TBC1D5: variants seen among roughly 807,000 people sequenced by gnomAD.
TBC1D5 encodes TBC1 domain family member 5.
TBC1D5 carries 75 observed loss-of-function variants against 100.3 expected under a neutral mutation model. That is an observed-to-expected ratio of 0.75 (90% CI 0.62 to 0.91). TBC1D5 has a LOEUF of 0.91. Among genes scored for constraint, TBC1D5 ranks in the 40% least tolerant of loss-of-function variants. The pLI, the probability that TBC1D5 is intolerant of heterozygous loss-of-function variation, is 0.00. For missense variants in TBC1D5, 910 were observed against 942.4 expected, an observed-to-expected ratio of 0.97 and a Z score of 0.45; for synonymous variants, 323 against 325.6, an observed-to-expected ratio of 0.99 and a Z score of 0.09.
intron 2 of TBC1D5, among the ~76,000 whole-genome samples, chr3:17,613,516 TTCC>T (rs2061863355): frequency 2.0e-5 from 3 of 152,240 alleles, no homozygotes; most frequent in Admixed American, 2.0e-4. Flanking sequence ...TGTAAAAGTG[TTCC>T]TATTTCTCCA....
At chr3:17,278,243 G>C (rs1259676559) in intron 15 of TBC1D5, among the ~76,000 whole-genome samples, 1 of 152,142 alleles carries the variant, frequency 6.6e-6, no homozygotes, top group Non-Finnish European at 1.5e-5. Flanking sequence ...TGTGTGCTGG[G>C]AGCCAGCCTC....
chr3:17,461,743 T>C (rs189537653), intron 3 of TBC1D5, among the ~76,000 whole-genome samples: 2 of 152,252 alleles, frequency 1.3e-5, no homozygotes, highest in Admixed American at 6.5e-5. Flanking sequence ...TGTGAACTGG[T>C]CTCCCATCTT....
chr3:17,212,752 T>C (rs1014153563), intron 18 of TBC1D5, among the ~76,000 whole-genome samples: 3 of 152,016 alleles, frequency 2.0e-5, no homozygotes, highest in East Asian at 1.9e-4. Context: ...AATTTAAAAA[T>C]AGAAAAAAGC....
chr3:17,659,318 G>A (rs542311975), intron 1 of TBC1D5, among the ~76,000 whole-genome samples: 1 of 152,032 alleles, frequency 6.6e-6, no homozygotes, highest in African/African-American at 2.4e-5. Flanking sequence ...GAATATTCTG[G>A]CACAGGGATT....
rs746389009 is a variant in TBC1D5 at position 17,384,035 on chromosome 3, G to A, written c.510-20C>T. On this transcript the variant is annotated intron_variant, in intron 8 of 21. Transcript: ENST00000253692. ...GGAAACCTGGAAAAAGAAAATACAA[G>A]ATTGAAACTGACTAACACAGTTTCA... is the stretch of plus-strand genomic sequence containing the variant. 8 of 1,577,290 alleles carry A rather than the reference G, an allele frequency of 5.1e-6. No homozygotes were observed. The highest frequency in any genetic ancestry group is 6.1e-6 in the Non-Finnish European group (7 of 1,152,358).
At chr3:17,186,909 A>G (rs2069193772) in intron 18 of TBC1D5, among the ~76,000 whole-genome samples, 1 of 152,090 alleles carries the variant, frequency 6.6e-6, no homozygotes, top group Non-Finnish European at 1.5e-5. Flanking sequence ...AAATACTACA[A>G]GAAGCTTAGC....
At chr3:17,296,759 A>G (rs1263417502) in intron 14 of TBC1D5, among the ~76,000 whole-genome samples, 1 of 152,176 alleles carries the variant, frequency 6.6e-6, no homozygotes, top group East Asian at 1.9e-4. Context: ...CATCCTTGAA[A>G]CCTAAGACCA....
At chr3:17,548,921 C>G (rs1451002849) in intron 2 of TBC1D5, among the ~76,000 whole-genome samples, 1 of 152,096 alleles carries the variant, frequency 6.6e-6, no homozygotes, top group Non-Finnish European at 1.5e-5. Flanking sequence ...TTTAAATTTA[C>G]CTATTGAAAA....
At chr3:17,222,137 T>C (rs2074358296) in intron 17 of TBC1D5, among the ~76,000 whole-genome samples, 1 of 152,206 alleles carries the variant, frequency 6.6e-6, no homozygotes, top group Non-Finnish European at 1.5e-5. Flanking sequence ...TCTTTATTCA[T>C]ACCTTTACTT....
chr3:17,348,159 T>C (rs1320037577), intron 13 of TBC1D5, among the ~76,000 whole-genome samples: 1 of 152,242 alleles, frequency 6.6e-6, no homozygotes, highest in East Asian at 1.9e-4. Context: ...ATAAGTTAAA[T>C]TGGACAAATA....
At chr3:17,666,195 CAT>C (rs1482853897) in intron 1 of TBC1D5, among the ~76,000 whole-genome samples, 2 of 152,144 alleles carry the variant, frequency 1.3e-5, no homozygotes, top group African/African-American at 4.8e-5. Flanking sequence ...CTAAACTACA[CAT>C]GACAAATTTT....
chr3:17,691,405 T>G (rs2071134633), intron 1 of TBC1D5, among the ~76,000 whole-genome samples: 1 of 152,226 alleles, frequency 6.6e-6, no homozygotes, highest in Admixed American at 6.5e-5. Context: ...TCACACTAAA[T>G]TCACACTACT....
At chr3:17,424,987 T>C (rs1418323086) in intron 4 of TBC1D5, among the ~76,000 whole-genome samples, 1 of 152,186 alleles carries the variant, frequency 6.6e-6, no homozygotes, top group Non-Finnish European at 1.5e-5. Flanking sequence ...GAATGTCAAA[T>C]CTCAGGTTAA....
chr3:17,320,293 G>A (rs901914005), intron 13 of TBC1D5, among the ~76,000 whole-genome samples: 3 of 152,196 alleles, frequency 2.0e-5, no homozygotes, highest in Non-Finnish European at 4.4e-5. Context: ...AGCAGCATCA[G>A]CATCACATGA....
At chr3:17,281,771 T>A (rs1177564478) in intron 15 of TBC1D5, among the ~76,000 whole-genome samples, 1 of 152,232 alleles carries the variant, frequency 6.6e-6, no homozygotes, top group Non-Finnish European at 1.5e-5. Flanking sequence ...CATTTCTTCC[T>A]ATAAAATCAA....
intron 16 of TBC1D5, among the ~76,000 whole-genome samples, chr3:17,254,605 T>A (rs955233537): frequency 6.6e-6 from 1 of 152,150 alleles, no homozygotes; most frequent in East Asian, 1.9e-4. Context: ...ATTAAAAATA[T>A]TACTCCCAAG....
At chr3:17,359,048 A>G (rs1336574224) in intron 13 of TBC1D5, among the ~76,000 whole-genome samples, 13 of 152,168 alleles carry the variant, frequency 8.5e-5, no homozygotes, top group East Asian at 1.9e-4. Context: ...ATTCTGTTAC[A>G]AATCTATTTA....
intron 2 of TBC1D5, among the ~76,000 whole-genome samples, chr3:17,559,493 A>G (rs2077080982): frequency 6.6e-6 from 1 of 152,090 alleles, no homozygotes; most frequent in Non-Finnish European, 1.5e-5. Flanking sequence ...CAAATGCCAC[A>G]GGATATTTGC....
At chr3:17,606,856 T>G (rs2061362960) in intron 2 of TBC1D5, among the ~76,000 whole-genome samples, 1 of 152,120 alleles carries the variant, frequency 6.6e-6, no homozygotes. Flanking sequence ...ACGATCCTGA[T>G]GCACACCAAC....
Sources: allele counts gnomAD v4.1 joint callset (sites outside exome capture counted in the v4.1 genomes callset), GRCh38; gene constraint gnomAD v4.1.1; transcripts MANE v1.5; gene names NCBI Gene and HGNC (gene_info 2026-07-23, HGNC 2026-07-21).